The following AGBL1 variants were observed in gnomAD, a reference collection of about 807,000 sequenced individuals.
AGBL1 encodes cytosolic carboxypeptidase 4.
In AGBL1, 130 loss-of-function variants were observed where a neutral mutation model predicts 118.9. The observed-to-expected ratio is 1.09, with a 90% CI of 0.95 to 1.26. The LOEUF (loss-of-function observed/expected upper bound fraction) is 1.26, where lower values mean the gene tolerates loss of function less well. AGBL1 is among the 50% of genes most tolerant of loss of function. The probability of loss-of-function intolerance (pLI) is 0.00; values close to 1 mark genes in which losing one functional copy is unlikely to be tolerated. For synonymous variants in AGBL1, 555 were observed against 478.9 expected, an observed-to-expected ratio of 1.16 and a Z score of -2.08; for missense variants, 1,584 against 1,298.1, an observed-to-expected ratio of 1.22 and a Z score of -3.38.
intron 24 of AGBL1, among the ~76,000 whole-genome samples, chr15:87,027,341 T>C (rs989942070): frequency 2.6e-5 from 4 of 151,854 alleles, no homozygotes; most frequent in Non-Finnish European, 5.9e-5. Context: ...GGAGTGTAAA[T>C]TAGTTAAACC....
At chr15:86,751,662 C>T (rs1400291991) in intron 22 of AGBL1, among the ~76,000 whole-genome samples, 1 of 152,100 alleles carries the variant, frequency 6.6e-6, no homozygotes, top group Non-Finnish European at 1.5e-5. Context: ...TTTCTTGCAG[C>T]CTCCTGAGCA....
intron 5 of AGBL1, among the ~76,000 whole-genome samples, chr15:86,203,843 C>T (rs57160384): frequency 0.069 from 10,507 of 152,114 alleles, 518 homozygotes; most frequent in East Asian, 0.24. Flanking sequence ...AAGGAGAAGT[C>T]CCTGTCTCTC....
chr15:86,715,382 G>A (rs2086622551), intron 22 of AGBL1, among the ~76,000 whole-genome samples: 1 of 152,160 alleles, frequency 6.6e-6, no homozygotes, highest in Non-Finnish European at 1.5e-5. Context: ...CCCTCACACA[G>A]CTACAATCTA....
At chr15:86,187,497 C>A (rs1392839907) in intron 5 of AGBL1, among the ~76,000 whole-genome samples, 1 of 152,128 alleles carries the variant, frequency 6.6e-6, no homozygotes, top group Non-Finnish European at 1.5e-5. Context: ...CAAGAGTGGG[C>A]TCCCTCTCTT....
At chr15:86,207,775 T>C (rs75555112) in intron 5 of AGBL1, among the ~76,000 whole-genome samples, 82,152 of 152,006 alleles carry the variant, frequency 0.54, 22,458 homozygotes, top group South Asian at 0.74. Context: ...AAATTTGACT[T>C]CCTCTTTTCC....
chr15:86,920,610 C>G (rs78532823), downstream of AGBL1, among the ~76,000 whole-genome samples: 920 of 152,320 alleles, frequency 6.0e-3, 12 homozygotes, highest in African/African-American at 0.021. Flanking sequence ...GTAATGCTCT[C>G]TCCAAGTGCT....
intron 5 of AGBL1, among the ~76,000 whole-genome samples, chr15:86,218,686 C>A (rs987388092): frequency 5.9e-5 from 9 of 152,132 alleles, no homozygotes; most frequent in Admixed American, 4.6e-4. Context: ...TGGGGAAACC[C>A]CCATTGCAAA....
At chr15:86,256,508 GC>G (rs1476724519) in intron 7 of AGBL1, among the ~76,000 whole-genome samples, 5 of 152,184 alleles carry the variant, frequency 3.3e-5, no homozygotes, top group African/African-American at 1.2e-4. Context: ...AAAGACACCG[GC>G]CTCCTCTTCC....
chr15:86,860,148 G>A (rs2079541272), intron 22 of AGBL1, among the ~76,000 whole-genome samples: 1 of 152,078 alleles, frequency 6.6e-6, no homozygotes, highest in South Asian at 2.1e-4. Flanking sequence ...TGAACTTAGG[G>A]CAAGTTACCA....
At chr15:86,335,775 T>C (rs1405254662) in intron 17 of AGBL1, among the ~76,000 whole-genome samples, 1 of 152,096 alleles carries the variant, frequency 6.6e-6, no homozygotes, top group African/African-American at 2.4e-5. Flanking sequence ...CTGTAAGAAA[T>C]GAAAGAAGGG....
chr15:86,149,796 C>T (rs2077082581), intron 3 of AGBL1, among the ~76,000 whole-genome samples: 1 of 152,174 alleles, frequency 6.6e-6, no homozygotes, highest in Admixed American at 6.5e-5. Flanking sequence ...ATCTACAGCA[C>T]TCTCCACCCC....
chr15:86,700,955 T>C (rs1408567271), intron 22 of AGBL1, among the ~76,000 whole-genome samples: 2 of 152,114 alleles, frequency 1.3e-5, no homozygotes, highest in Admixed American at 1.3e-4. Context: ...TGTGAAATGC[T>C]GTGAATCTGA....
intron 17 of AGBL1, among the ~76,000 whole-genome samples, chr15:86,300,577 A>G (rs1246773397): frequency 6.6e-6 from 1 of 152,072 alleles, no homozygotes; most frequent in Non-Finnish European, 1.5e-5. Flanking sequence ...TGGATATGCT[A>G]TTTTTGCAAT....
At chr15:86,192,509 G>A (rs2077739565) in intron 5 of AGBL1, among the ~76,000 whole-genome samples, 1 of 151,922 alleles carries the variant, frequency 6.6e-6, no homozygotes, top group Admixed American at 6.6e-5. Flanking sequence ...TCGAGGCTGT[G>A]ATTAAACAGA....
Position 86,521,405 on chromosome 15 carries a change from A to T in AGBL1, c.2556-1405A>T, listed in dbSNP as rs137947018. On this transcript the variant is annotated intron_variant, in intron 18 of 22. Transcript: ENST00000614907. ...ACAGAGTTACTATATTAGAGTTTTG[A>T]TGGTGACCAAGAGACTATCACTGTC... 6.2e-3 allele frequency among the ~76,000 whole-genome samples: 948 copies of T among 152,284 alleles called. 14 individuals carry two copies. The highest frequency in any genetic ancestry group is 0.021 in the African/African-American group (868 of 41,550).
At chr15:86,362,515 G>C (rs903666864) in intron 17 of AGBL1, among the ~76,000 whole-genome samples, 28 of 152,120 alleles carry the variant, frequency 1.8e-4, no homozygotes, top group African/African-American at 6.5e-4. Context: ...CCATAATTCG[G>C]CTAAGTTCAG....
At chr15:86,694,142 A>C (rs557418239) in intron 22 of AGBL1, among the ~76,000 whole-genome samples, 1 of 151,882 alleles carries the variant, frequency 6.6e-6, no homozygotes, top group South Asian at 2.1e-4. Context: ...AATGATGGGA[A>C]TATTTTGGTG....
At chr15:86,389,165 A>G (rs2081241063) in intron 17 of AGBL1, among the ~76,000 whole-genome samples, 1 of 152,214 alleles carries the variant, frequency 6.6e-6, no homozygotes, top group East Asian at 1.9e-4. Flanking sequence ...TTAAAAAAAT[A>G]AGGAGTATAA....
chr15:86,142,434 T>G (rs1296819218), intron 2 of AGBL1, among the ~76,000 whole-genome samples: 1 of 152,168 alleles, frequency 6.6e-6, no homozygotes, highest in Non-Finnish European at 1.5e-5. Context: ...GAAGCTGAAC[T>G]TGAAAGCATG....
Sources: gnomAD v4.1 joint callset for allele counts (sites outside exome capture counted in the v4.1 genomes callset) on GRCh38, gnomAD v4.1.1 for gene constraint, MANE v1.5 for transcripts, NCBI Gene and HGNC (gene_info 2026-07-23, HGNC 2026-07-21) for gene names.